TOMT: variants seen among roughly 807,000 people sequenced by gnomAD.
TOMT encodes transmembrane O-methyltransferase.
Under a neutral mutation model 21.7 loss-of-function variants are expected in TOMT, and 23 were observed. That is an observed-to-expected ratio of 1.06 (90% CI 0.76 to 1.50). The LOEUF is 1.50. Ranked by LOEUF, TOMT falls within the 40% of genes most tolerant of loss-of-function variation. TOMT has a pLI of 0.00. For missense variants in TOMT, 331 were observed against 348.7 expected (o/e 0.95, Z 0.41); for synonymous variants, 132 against 150.8 (o/e 0.88, Z 0.91).
chr11:72,108,839 C>T lies in TOMT; in HGVS notation c.691C>T (p.Arg231Cys), dbSNP rs878981648. The change falls in exon 3 of 3, where the codon CGC becomes TGC. Residue 231 changes from arginine to cysteine, a missense_variant. Coordinates refer to ENST00000541899, the Ensembl canonical transcript of TOMT. ...GTATGCTAAGAGCTGTGGCCGCTAC[C>T]GCTGCCGCCTCCACCACACTGGCCT... 7.1e-6 allele frequency: 11 copies of T among 1,550,688 alleles called. No individual in the cohort carries two copies. Among genetic ancestry groups the T allele is most frequent in the Middle Eastern group, 3.3e-4 (2 of 5,986 alleles).
exon 3 of TOMT, chr11:72,109,120 T>A: frequency 1.7e-6 from 1 of 586,708 alleles, no homozygotes; most frequent in Non-Finnish European, 3.0e-6. Context: ...CTGCTTGGTC[T>A]CACTAGGCCC....
intron 1 of TOMT, 121 bp from the exon 2 acceptor site, chr11:72,107,802 G>A (rs1440704931): frequency 6.5e-6 from 7 of 1,073,746 alleles, no homozygotes; most frequent in Admixed American, 2.1e-5. Context: ...TGGTACAAGA[G>A]ACAGATGAGA....
At position 72,108,643 on chromosome 11, in the gene TOMT, G is replaced by C. The variant is rs543661539; in HGVS notation, c.495G>C (p.Pro165=). The change falls in exon 3 of 3, where the codon CCG becomes CCC. Residue 165 remains proline (P), a synonymous_variant. Transcript: ENST00000541899. ...TGGGCAGCTCAGAGGACGTGATCCC[G>C]TGCCTACGCACCCAGTATCAGCTGA... The C allele has an allele frequency of 8.7e-6, 13 of 1,502,306 alleles. No homozygotes were observed. Among genetic ancestry groups the C allele is most frequent in the Non-Finnish European group, 1.2e-5 (13 of 1,119,746 alleles). 93.1% of individuals were successfully genotyped at this position (1,502,306 alleles called of 1,614,324 possible). A position where few individuals can be genotyped will look rare whatever the true frequency, so the allele number is the denominator to read the frequency against.
intron 1 of TOMT, chr11:72,107,641 G>C (rs1259533840): frequency 3.2e-6 from 2 of 627,792 alleles, no homozygotes; most frequent in Non-Finnish European, 5.7e-6. Flanking sequence ...CCAAGGTCCT[G>C]AATGCCAGGC....
intron 1 of TOMT, chr11:72,107,234 T>C (rs1945774696): frequency 1.7e-6 from 1 of 585,058 alleles, no homozygotes; most frequent in Non-Finnish European, 3.0e-6. Flanking sequence ...GCTACTGCAC[T>C]CCAGCCTGGG....
At chr11:72,109,012 G>T in exon 3 of TOMT, 1 of 1,207,514 alleles carries the variant, frequency 8.3e-7, no homozygotes, top group Non-Finnish European at 1.1e-6. Flanking sequence ...CCTGTTTGGG[G>T]CCTTGACACA....
chr11:72,106,351 TGAG>T (rs1298104981), intron 1 of TOMT, 141 bp downstream of exon 1: 5 of 920,236 alleles, frequency 5.4e-6, no homozygotes, highest in African/African-American at 1.7e-5. Flanking sequence ...CATCTGGAAA[TGAG>T]GAGCTTGGAC....
At chr11:72,107,301 G>T in intron 1 of TOMT, 1 of 603,190 alleles carries the variant, frequency 1.7e-6, no homozygotes, top group Non-Finnish European at 3.0e-6. Context: ...CCAATTCCAA[G>T]ATCAGAAATA....
chr11:72,107,567 G>GT, intron 1 of TOMT: 1 of 702,028 alleles, frequency 1.4e-6, no homozygotes. Context: ...TGGGATGGCT[G>GT]TGATACAGGC....
Position 72,106,093 on chromosome 11 carries a change from C to G in TOMT, c.142C>G (p.Arg48Gly), listed in dbSNP as rs889250759. The stretch of plus-strand genomic sequence containing the variant: ...CCTGTCAGGGCTGCGGATCGAGGAG[C>G]GGGCCTTCAGCTACGTGCTCACCCA... The change falls in exon 1 of 3, where the codon CGG becomes GGG. Residue 48 changes from arginine to glycine, a missense_variant. Arg to Gly is a moderately radical substitution (Grantham distance 125, BLOSUM62 -2). Coordinates refer to ENST00000541899, the Ensembl canonical transcript of TOMT. The G allele has an allele frequency of 6.5e-6, 10 of 1,549,370 alleles. No homozygotes were observed. The African/African-American group carries it at 1.4e-4, about 21-fold the overall frequency.
chr11:72,108,842 T>G, exon 3 of TOMT: 3 of 1,550,776 alleles, frequency 1.9e-6, no homozygotes, highest in Non-Finnish European at 2.6e-6. Context: ...CCGCTACCGC[T>G]GCCGCCTCCA....
exon 3 of TOMT, chr11:72,108,900 A>G: frequency 6.5e-7 from 1 of 1,547,294 alleles, no homozygotes; most frequent in Non-Finnish European, 8.7e-7. Flanking sequence ...GGAATAGCTC[A>G]GCTCACCTAT....
chr11:72,108,190 G>T, intron 2 of TOMT, 71 bp downstream of exon 2: 2 of 1,353,918 alleles, frequency 1.5e-6, no homozygotes, highest in African/African-American at 1.5e-5. Context: ...CCTTGTGAAG[G>T]ACTCCCATCT....
intron 2 of TOMT, among the ~76,000 whole-genome samples, 177 bp downstream of exon 2, chr11:72,108,296 G>T (rs1352983039): frequency 6.6e-6 from 1 of 152,160 alleles, no homozygotes; most frequent in Non-Finnish European, 1.5e-5. Flanking sequence ...ATTATTTTCT[G>T]CCGGATGACG....
At chr11:72,108,488 G>A (rs1174478952) in intron 2 of TOMT, 117 bp from the exon 3 acceptor site, 3 of 846,488 alleles carry the variant, frequency 3.5e-6, no homozygotes, top group Non-Finnish European at 5.2e-6. Context: ...GGAAATGTGA[G>A]AACACTCATG....
At chr11:72,107,285 G>C (rs1371978405) in intron 1 of TOMT, 1 of 602,138 alleles carries the variant, frequency 1.7e-6, no homozygotes, top group African/African-American at 1.9e-5. Context: ...ATAAATAAAA[G>C]TTCATCCAAT....
Position 72,106,024 on chromosome 11 carries a change from C to T in TOMT, c.73C>T (p.Arg25Ter), listed in dbSNP as rs1298804148. The stretch of plus-strand genomic sequence containing the variant: ...GCTGGTGCGGTACCGGCACTACTTC[C>T]GATTGCTGGTGCGCACGGTCTTGCT... Residue 25 changes from arginine (R) to a stop codon, truncating the protein, a stop_gained, in exon 1 of 3, where the codon CGA becomes TGA. Coordinates refer to ENST00000541899, the Ensembl canonical transcript of TOMT. LOFTEE classifies it high-confidence loss of function. 5 of 1,551,086 alleles carry T rather than the reference C, an allele frequency of 3.2e-6. No individual in the cohort carries two copies. The highest frequency in any genetic ancestry group is 3.5e-6 in the Non-Finnish European group (4 of 1,147,004).
chr11:72,107,187 A>G, intron 1 of TOMT: 1 of 493,800 alleles, frequency 2.0e-6, no homozygotes, highest in South Asian at 2.9e-5. Flanking sequence ...GGATTGCCTG[A>G]GCCTGGGTGG....
intron 1 of TOMT, chr11:72,107,370 A>C (rs1207907357): frequency 9.0e-6 from 6 of 666,328 alleles, no homozygotes; most frequent in Non-Finnish European, 1.7e-5. Context: ...ACCTTTCATA[A>C]ATCTGAAAGA....
Sources: gnomAD v4.1 joint callset for allele counts (sites outside exome capture counted in the v4.1 genomes callset) on GRCh38, gnomAD v4.1.1 for gene constraint, MANE v1.5 for transcripts, NCBI Gene and HGNC (gene_info 2026-07-23, HGNC 2026-07-21) for gene names.